The following TTBK2 variants were observed in gnomAD, a reference collection of about 807,000 sequenced individuals.
The protein encoded by TTBK2 is tau-tubulin kinase 2.
TTBK2 carries 28 observed loss-of-function variants against 110.8 expected under a neutral mutation model. That is an observed-to-expected ratio of 0.25 (90% CI 0.19 to 0.35). The LOEUF (loss-of-function observed/expected upper bound fraction) is 0.35. Among genes scored for constraint, TTBK2 ranks in the 10% least tolerant of loss-of-function variants. The probability of loss-of-function intolerance (pLI) is 1.00; values close to 1 mark genes in which losing one functional copy is unlikely to be tolerated. For synonymous variants in TTBK2, 532 were observed against 527.3 expected, an observed-to-expected ratio of 1.01 and a Z score of -0.12; for missense variants, 1,369 against 1,500.3, an observed-to-expected ratio of 0.91 and a Z score of 1.45.
In TTBK2 at chr15:42,739,590, G is replaced by T. The variant is rs2140528241; in HGVS notation, c.*6205C>A. On this transcript the variant is annotated 3_prime_UTR_variant, in exon 15 of 15. Transcript: ENST00000267890. ...GGCTCAAGCCCAGGCCACCTAGGCT[G>T]TGTTTATTCAGTCCACCCAATCCAA... The T allele has an allele frequency of 6.6e-6, 1 of 152,362 alleles. No individual in the cohort carries two copies. Among genetic ancestry groups the T allele is most frequent in the East Asian group, 1.9e-4 (1 of 5,194 alleles). The allele number at this position is 152,362 out of a possible 1,614,324, so 9.4% of individuals were successfully genotyped here.
chr15:42,750,945 A>G (rs546893394), intron 14 of TTBK2, among the ~76,000 whole-genome samples: 5 of 152,304 alleles, frequency 3.3e-5, no homozygotes, highest in African/African-American at 1.2e-4. Flanking sequence ...TAAAATACTA[A>G]AAGAAATGTC....
intron 2 of TTBK2, among the ~76,000 whole-genome samples, chr15:42,876,491 A>G (rs1894824663): frequency 6.6e-6 from 1 of 152,208 alleles, no homozygotes; most frequent in Admixed American, 6.5e-5. Flanking sequence ...ATCTCCCTGC[A>G]CTAGTCCATG....
At chr15:42,763,141 TACATATATATATATAC>T (rs1226974266) in intron 13 of TTBK2, among the ~76,000 whole-genome samples, 159 of 80,468 alleles carry the variant, frequency 2.0e-3, no homozygotes, top group African/African-American at 7.4e-3. Flanking sequence ...CATATATACA[TACATATATATATATAC>T]ATATATATAT....
chr15:42,850,009 G>A (rs1435764773), intron 3 of TTBK2, among the ~76,000 whole-genome samples: 1 of 152,016 alleles, frequency 6.6e-6, no homozygotes, highest in East Asian at 1.9e-4. Flanking sequence ...ACATCAGGCA[G>A]GGCCAAGCAA....
intron 13 of TTBK2, among the ~76,000 whole-genome samples, chr15:42,760,962 C>T (rs2062016964): frequency 6.6e-6 from 1 of 152,172 alleles, no homozygotes; most frequent in Non-Finnish European, 1.5e-5. Flanking sequence ...ACCAAAACAG[C>T]ATGGTACTGG....
intron 10 of TTBK2, among the ~76,000 whole-genome samples, chr15:42,786,199 A>C (rs963695744): frequency 2.0e-5 from 3 of 152,214 alleles, no homozygotes; most frequent in Non-Finnish European, 4.4e-5. Flanking sequence ...AGCATATTTA[A>C]AAGGTAGTTT....
Position 42,872,678 on chromosome 15 carries a change from C to T in TTBK2, c.150G>A (p.Lys50=). The T allele has an allele frequency of 6.2e-7, 1 of 1,614,010 alleles. No homozygotes were observed. Among genetic ancestry groups the T allele is most frequent in the Non-Finnish European group, 8.5e-7 (1 of 1,180,010 alleles). Residue 50 remains lysine, a synonymous_variant, in exon 3 of 15, where the codon AAG becomes AAA. Transcript: ENST00000267890. ...DMLTRENVAL[K]VESAQQPKQV... ...GTTTTGGTTGTTGAGCTGATTCCAC[C>T]TTCAGTGCAACATTTTCCCTGGTGA...
chr15:42,920,785 C>T (rs1015734903), upstream of TTBK2: 1 of 153,186 alleles, frequency 6.5e-6, no homozygotes, highest in Non-Finnish European at 1.5e-5. Context: ...CTGCAGAGCC[C>T]GCTGACCCGA....
At chr15:42,746,587 A>C (rs1313957307) in intron 14 of TTBK2, among the ~76,000 whole-genome samples, 1 of 152,220 alleles carries the variant, frequency 6.6e-6, no homozygotes, top group Non-Finnish European at 1.5e-5. Context: ...GCTAATTTTC[A>C]GATGAATTTA....
In TTBK2 at chr15:42,775,262, C is replaced by A. The variant is rs1182548143; in HGVS notation, c.1871G>T (p.Gly624Val). ...TTGTTCTGAAGCAGCAGTAGGAGGA[C>A]CCTCTGCAGAAAGTGCTAAGACCAC... is the stretch of plus-strand genomic sequence containing the variant. ...SGVVLALSAE[G>V]PPTAASEQYT... The change falls in exon 13 of 15, where the codon GGT becomes GTT. Residue 624 changes from glycine (G) to valine (V), a missense_variant. This residue lies in a region of TTBK2 where 1,097 missense variants were observed against 1,114.7 expected (regional missense o/e 0.98). Coordinates refer to ENST00000267890, the MANE Select transcript of TTBK2 (RefSeq NM_173500.4). 6.2e-7 allele frequency: 1 copy of A among 1,614,172 alleles called. No homozygotes were observed. The highest frequency in any genetic ancestry group is 1.7e-5 in the Admixed American group (1 of 60,014).
At chr15:42,836,883 C>G (rs866259901) in intron 4 of TTBK2, among the ~76,000 whole-genome samples, 2 of 152,264 alleles carry the variant, frequency 1.3e-5, no homozygotes, top group East Asian at 1.9e-4. Flanking sequence ...AAATCACAAA[C>G]CTCCTTGAGA....
intron 3 of TTBK2, among the ~76,000 whole-genome samples, chr15:42,869,364 C>T (rs1473046295): frequency 1.3e-5 from 2 of 150,172 alleles, no homozygotes; most frequent in Non-Finnish European, 3.0e-5. Context: ...GCTGGGATTA[C>T]AGGCATGAGC....
At chr15:42,781,586 T>C (rs1890180164) in intron 11 of TTBK2, among the ~76,000 whole-genome samples, 1 of 152,124 alleles carries the variant, frequency 6.6e-6, no homozygotes, top group South Asian at 2.1e-4. Flanking sequence ...TTCGATTTCA[T>C]TCAATTCTAT....
At chr15:42,806,806 ATTTT>A (rs890895259) in intron 9 of TTBK2, among the ~76,000 whole-genome samples, 1 of 145,622 alleles carries the variant, frequency 6.9e-6, no homozygotes, top group Admixed American at 6.8e-5. Context: ...ACATTATGAG[ATTTT>A]TTTGTGATTT....
intron 10 of TTBK2, among the ~76,000 whole-genome samples, chr15:42,784,244 T>G (rs1890309239): frequency 6.6e-6 from 1 of 152,222 alleles, no homozygotes; most frequent in Admixed American, 6.5e-5. Flanking sequence ...GCATTTCATC[T>G]ATTTTCATAG....
chr15:42,778,806 AG>A (rs1465693974), intron 11 of TTBK2, among the ~76,000 whole-genome samples: 1 of 152,250 alleles, frequency 6.6e-6, no homozygotes, highest in Non-Finnish European at 1.5e-5. Context: ...AAGAGATAAT[AG>A]AAAGAATGAA....
intron 7 of TTBK2, among the ~76,000 whole-genome samples, chr15:42,813,490 C>G (rs981754727): frequency 6.6e-6 from 1 of 151,926 alleles, no homozygotes; most frequent in African/African-American, 2.4e-5. Context: ...CCAGTATACT[C>G]CAGCCTGGGC....
rs758842711 is a variant in TTBK2, at chr15:42,801,401, G to T, written c.823-6600C>A. 72 of 1,207,320 alleles carry T rather than the reference G, an allele frequency of 6.0e-5. 1 individual carries two copies. In the Admixed American group the frequency reaches 1.1e-3, roughly 19 times the overall value. The allele number at this position is 1,207,320 out of a possible 1,614,324, so 74.8% of individuals were successfully genotyped here. ...TAATGGCTAGCTCCCCACGCTGCTC[G>T]GTATCTGCGTGGCAGCCTCCAGGGA... On this transcript the variant is annotated intron_variant, in intron 9 of 14. Transcript: ENST00000267890.
At chr15:42,897,123 C>T (rs564683628) in intron 1 of TTBK2, among the ~76,000 whole-genome samples, 221 of 152,112 alleles carry the variant, frequency 1.5e-3, no homozygotes, top group African/African-American at 5.2e-3. Flanking sequence ...GTGATTCACC[C>T]GCCTCGGCCT....
Sources: allele counts gnomAD v4.1 joint callset (sites outside exome capture counted in the v4.1 genomes callset), GRCh38; gene constraint gnomAD v4.1.1; regional missense constraint gnomAD v4.1.1; transcripts MANE v1.5; gene names NCBI Gene and HGNC (gene_info 2026-07-23, HGNC 2026-07-21).